COL2A1: variants seen among roughly 807,000 people sequenced by gnomAD.
The protein encoded by COL2A1 is collagen alpha-1(II) chain.
COL2A1 carries 28 observed loss-of-function variants against 204.5 expected under a neutral mutation model. That is an observed-to-expected ratio of 0.14 (90% confidence interval 0.10 to 0.19). The LOEUF (loss-of-function observed/expected upper bound fraction) is 0.19. COL2A1 is among the 10% of genes least tolerant of loss of function. COL2A1 has a pLI of 1.00. For missense variants in COL2A1, 1,388 were observed against 2,027.5 expected (o/e 0.68, Z 6.06); for synonymous variants, 708 against 718.7 (o/e 0.99, Z 0.24).
chr12:47,988,661 A>G (rs1258299049), intron 18 of COL2A1, among the ~76,000 whole-genome samples: 3 of 152,206 alleles, frequency 2.0e-5, no homozygotes, highest in Non-Finnish European at 4.4e-5. Context: ...ATTCCCAGGG[A>G]CGTTCACACT....
intron 26 of COL2A1, among the ~76,000 whole-genome samples, 199 bp from the exon 27 acceptor site, chr12:47,985,292 C>T (rs1030643623): frequency 6.6e-5 from 10 of 152,204 alleles, no homozygotes; most frequent in Non-Finnish European, 8.8e-5. Context: ...CCAGAAAGTG[C>T]ACACACGATG....
chr12:47,987,475 A>G lies in COL2A1; in HGVS notation c.1221+136T>C. 1 of 1,039,542 alleles carries G rather than the reference A, an allele frequency of 9.6e-7. No individual in the cohort carries two copies. Among genetic ancestry groups the G allele is most frequent in the South Asian group, 1.3e-5 (1 of 74,326 alleles). 64.4% of individuals were successfully genotyped at this position (1,039,542 alleles called of 1,614,324 possible). On this transcript the variant is annotated intron_variant, in intron 19 of 53. Transcript: ENST00000380518. The surrounding 1 kb of genome is among the most constrained non-coding windows in gnomAD (Gnocchi z 4.1). ...AGATGGGATAGAAGGGAATACATCT[A>G]GAGGTGGGGACAGGCATTGGGCCAG...
intron 1 of COL2A1, among the ~76,000 whole-genome samples, chr12:48,003,347 C>A (rs911147675): frequency 6.6e-6 from 1 of 152,064 alleles, no homozygotes; most frequent in Non-Finnish European, 1.5e-5. Flanking sequence ...ACACACACCA[C>A]GCAGCCTGGC....
chr12:47,974,293 G>A lies in COL2A1; in HGVS notation c.4113C>T (p.Ala1371=). ...GGCGTAGGAAGGTCATCTGGACGTT[G>A]GCAGTGTTGGGAGCCAGATTGTCAT... ...YGDDNLAPNT[A]NVQMTFLRLL... is the part of the protein sequence containing the mutation. Residue 1371 remains alanine (A), a synonymous_variant, in exon 53 of 54, where the codon GCC becomes GCT. Coordinates refer to ENST00000380518, the MANE Select transcript of COL2A1 (RefSeq NM_001844.5). 6.2e-7 allele frequency: 1 copy of A among 1,614,190 alleles called. No homozygotes were observed. Among genetic ancestry groups the A allele is most frequent in the Non-Finnish European group, 8.5e-7 (1 of 1,180,036 alleles).
rs1243378687 is a variant in COL2A1 at position 47,974,224 on chromosome 12, C to T, written c.4182G>A (p.Lys1394=). The T allele has an allele frequency of 3.1e-6, 5 of 1,614,118 alleles. No homozygotes were observed. In the African/African-American group the frequency reaches 6.7e-5, roughly 22 times the overall value. Residue 1394 remains lysine, a synonymous_variant, in exon 53 of 54, where the codon AAG becomes AAA. Coordinates refer to ENST00000380518, the MANE Select transcript of COL2A1 (RefSeq NM_001844.5). ...EGSQNITYHC[K]NSIAYLDEAA... ...CTTCGTCCAGATAGGCAATGCTGTT[C>T]TTGCAGTGGTAGGTGATGTTCTGGG...
chr12:47,990,113 T>G (rs1939637373), intron 16 of COL2A1, among the ~76,000 whole-genome samples: 1 of 152,212 alleles, frequency 6.6e-6, no homozygotes, highest in Non-Finnish European at 1.5e-5. Context: ...TTCAAGCAAT[T>G]CTGCCTCAGC....
In COL2A1 at chr12:47,977,591, G is replaced by A; in HGVS notation, c.3165+9C>T. ...CAACCCACTGCACACACAGACACCAGACACTCACCTTGACTCCAGCAGCGC... is the reference window on the plus strand; with the variant it reads ...CAACCCACTGCACACACAGACACCAAACACTCACCTTGACTCCAGCAGCGC... On this transcript the variant is annotated intron_variant, in intron 45 of 53. Transcript: ENST00000380518. 1.2e-6 allele frequency: 2 copies of A among 1,613,998 alleles called. No individual in the cohort carries two copies. Among genetic ancestry groups the A allele is most frequent in the Non-Finnish European group, 1.7e-6 (2 of 1,179,972 alleles).
chr12:48,003,436 AG>A (rs1432882028), intron 1 of COL2A1, among the ~76,000 whole-genome samples: 3 of 151,974 alleles, frequency 2.0e-5, no homozygotes, highest in Non-Finnish European at 4.4e-5. Flanking sequence ...ACCGCGGGGA[AG>A]GGGGCGCTAT....
rs748792684 is a variant in COL2A1, at chr12:47,995,968, G to A, written c.610-49C>T. ...GGTTTACTACACATGCTTCCTCAGT[G>A]GCCTCCAGTGTGCCATCTTCTCCCA... On this transcript the variant is annotated intron_variant, in intron 8 of 53. Transcript: ENST00000380518. The A allele has an allele frequency of 7.5e-6, 11 of 1,473,180 alleles. No homozygotes were observed. In the East Asian group the frequency reaches 2.3e-4, roughly 30 times the overall value. The allele number at this position is 1,473,180 out of a possible 1,614,324, so 91.3% of individuals were successfully genotyped here.
At chr12:47,985,453 C>T in intron 26 of COL2A1, 81 bp downstream of exon 26, 1 of 1,476,446 alleles carries the variant, frequency 6.8e-7, no homozygotes, top group Middle Eastern at 1.7e-4. Context: ...GCCTCCCTAA[C>T]CCAAACTCCA....
At chr12:47,977,913 A>G in intron 44 of COL2A1, 97 bp downstream of exon 44, 2 of 1,208,692 alleles carry the variant, frequency 1.7e-6, no homozygotes, top group Non-Finnish European at 2.4e-6. Context: ...CCCCTTCTCC[A>G]GGGCCCTGAC....
chr12:47,981,443 G>A, intron 36 of COL2A1, 47 bp from the exon 37 acceptor site: 1 of 1,561,842 alleles, frequency 6.4e-7, no homozygotes, highest in South Asian at 1.2e-5. Flanking sequence ...AGGTGGGGAG[G>A]CAGAGTGGGA....
At chr12:47,981,735 C>T in intron 36 of COL2A1, 41 bp downstream of exon 36, 2 of 1,544,142 alleles carry the variant, frequency 1.3e-6, no homozygotes, top group East Asian at 4.9e-5. Context: ...GGAGGTGTGA[C>T]AGGGAGGCAA....
rs536885536 is a variant in COL2A1 at position 47,975,999 on chromosome 12, A to C, written c.3561T>G (p.Pro1187=). The C allele has an allele frequency of 1.7e-4, 282 of 1,614,126 alleles. 2 individuals are homozygous for C. The South Asian group carries it at 2.9e-3, about 17-fold the overall frequency. The change falls in exon 50 of 54, where the codon CCT becomes CCG. Residue 1187 remains proline (P), a synonymous_variant. Transcript: ENST00000380518. ...TTTCGCCTGATCGTCCACGGGGACC[A>C]GGAGGCCCAATGGGGCCAGGGATTC... is the stretch of plus-strand genomic sequence containing the variant. ...ANGIPGPIGP[P]GPRGRSGETG... is the part of the protein sequence containing the mutation.
chr12:47,995,356 A>C (rs1939905069), intron 10 of COL2A1, 48 bp from the exon 11 acceptor site: 1 of 1,511,124 alleles, frequency 6.6e-7, no homozygotes, highest in Middle Eastern at 1.7e-4. Context: ...GTGGGAAGAC[A>C]CCTAAGCAAT....
intron 16 of COL2A1, among the ~76,000 whole-genome samples, chr12:47,990,171 T>A (rs996861024): frequency 2.2e-4 from 34 of 152,162 alleles, no homozygotes; most frequent in Non-Finnish European, 4.7e-4. Context: ...ACCTGGCTAT[T>A]TTTTTTATTG....
Position 47,987,213 on chromosome 12 carries a change from G to A in COL2A1, c.1267-37C>T. ...AGAAGAAGGGAGGGGTGTCAGGAGA[G>A]GGGAGAGGCAGGACTGGGCTCTCCT... is the stretch of plus-strand genomic sequence containing the variant. On this transcript the variant is annotated intron_variant, in intron 20 of 53. Transcript: ENST00000380518. This position sits in a 1 kb window ranked among gnomAD's most constrained non-coding sequence, Gnocchi z 4.1. 1.2e-6 allele frequency: 2 copies of A among 1,612,444 alleles called. No homozygotes were observed. The highest frequency in any genetic ancestry group is 1.7e-6 in the Non-Finnish European group (2 of 1,178,446).
intron 12 of COL2A1, 88 bp downstream of exon 12, chr12:47,994,333 GTGA>G: frequency 7.2e-7 from 1 of 1,382,212 alleles, no homozygotes; most frequent in East Asian, 2.3e-5. Context: ...CATCTCAGAA[GTGA>G]CCTCATTGAA....
rs1221069783 is a variant in COL2A1 at position 47,982,609 on chromosome 12, C to T, written c.2194G>A (p.Gly732Ser). Residue 732 changes from glycine (G) to serine (S), a missense_variant and splice_region_variant, in exon 34 of 54, where the codon GGT becomes AGT. This residue lies in a region of COL2A1 where 884 missense variants were observed against 1,415.8 expected (regional missense o/e 0.62). Transcript: ENST00000380518. ...PGTPGTDGPK[G>S]ASGPAGPPGA... is the part of the protein sequence containing the mutation. ...GGGGGGCCTGCTGGGCCAGATGCAC[C>T]CTGGGGAGGGAGGTAAGAGGGAGTC... 1 of 1,609,090 alleles carries T rather than the reference C, an allele frequency of 6.2e-7. No homozygotes were observed. The highest frequency in any genetic ancestry group is 1.1e-5 in the South Asian group (1 of 90,894).
Sources: allele counts gnomAD v4.1 joint callset (sites outside exome capture counted in the v4.1 genomes callset), GRCh38; gene constraint gnomAD v4.1.1; regional missense constraint gnomAD v4.1.1; non-coding constraint Gnocchi (gnomAD v3.1); transcripts MANE v1.5; gene names NCBI Gene and HGNC (gene_info 2026-07-23, HGNC 2026-07-21).